RBM47: variants seen among roughly 807,000 people sequenced by gnomAD.
The protein encoded by RBM47 is RNA binding motif protein 47, also known as RNA-binding protein 47.
RBM47 carries 21 observed loss-of-function variants against 47.1 expected under a neutral mutation model. That is an observed-to-expected ratio of 0.45 (90% CI 0.32 to 0.64). The LOEUF (loss-of-function observed/expected upper bound fraction) is 0.64. RBM47 is among the 30% of genes least tolerant of loss of function. RBM47 has a pLI of 0.05. For synonymous variants in RBM47, 375 were observed against 361.7 expected, an observed-to-expected ratio of 1.04 and a Z score of -0.42; for missense variants, 708 against 870.9, an observed-to-expected ratio of 0.81 and a Z score of 2.35.
At chr4:40,427,335 G>T (rs1278394581) in intron 6 of RBM47, 1 of 152,222 alleles carries the variant, frequency 6.6e-6, no homozygotes, top group African/African-American at 2.4e-5. Context: ...AAATGAGGAA[G>T]AAGTGGGCAA....
chr4:40,606,678 T>G (rs1386196250), intron 1 of RBM47, among the ~76,000 whole-genome samples: 1 of 152,062 alleles, frequency 6.6e-6, no homozygotes, highest in Non-Finnish European at 1.5e-5. Context: ...GCTTTACCTC[T>G]TTGTGCCTCA....
intron 3 of RBM47, among the ~76,000 whole-genome samples, chr4:40,459,946 G>A (rs1254120439): frequency 1.3e-5 from 2 of 152,122 alleles, no homozygotes; most frequent in Non-Finnish European, 2.9e-5. Context: ...AGTAGAGACG[G>A]GGTTTCACCA....
intron 1 of RBM47, among the ~76,000 whole-genome samples, chr4:40,625,144 A>G (rs1737626267): frequency 6.6e-6 from 1 of 152,104 alleles, no homozygotes; most frequent in Non-Finnish European, 1.5e-5. Context: ...CACCGTGCCC[A>G]GCCTAAGCCA....
intron 2 of RBM47, among the ~76,000 whole-genome samples, chr4:40,471,648 C>T (rs940206144): frequency 6.7e-6 from 1 of 150,162 alleles, no homozygotes; most frequent in African/African-American, 2.5e-5. Flanking sequence ...AAGCCGAGAT[C>T]GTGCCAGGCA....
chr4:40,556,066 G>A (rs974474397), intron 1 of RBM47, among the ~76,000 whole-genome samples: 2 of 148,624 alleles, frequency 1.3e-5, no homozygotes, highest in African/African-American at 5.0e-5. Flanking sequence ...GACAGAGTCT[G>A]GCTCTGTCGC....
chr4:40,487,356 C>T (rs563517144), intron 2 of RBM47, among the ~76,000 whole-genome samples: 8 of 152,156 alleles, frequency 5.3e-5, no homozygotes, highest in Non-Finnish European at 8.8e-5. Flanking sequence ...AGTGCAGTGG[C>T]GCGATCTCGG....
intron 6 of RBM47, chr4:40,427,375 T>C (rs1392708735): frequency 6.6e-6 from 1 of 152,226 alleles, no homozygotes; most frequent in Non-Finnish European, 1.5e-5. Context: ...GCCTGAACTG[T>C]TGACGGCCAC....
At chr4:40,456,546 C>CTTTTTT (rs772807820) in intron 3 of RBM47, among the ~76,000 whole-genome samples, 1 of 118,752 alleles carries the variant, frequency 8.4e-6, no homozygotes, top group Non-Finnish European at 1.8e-5. Context: ...GTCCCATTTT[C>CTTTTTT]TTTTTTTTTT....
chr4:40,584,254 G>A (rs1032795075), intron 1 of RBM47, among the ~76,000 whole-genome samples: 1 of 152,116 alleles, frequency 6.6e-6, no homozygotes, highest in African/African-American at 2.4e-5. Flanking sequence ...ATGAGCCACC[G>A]TGCTGGGCTG....
chr4:40,567,004 C>T (rs1204178151), intron 1 of RBM47, among the ~76,000 whole-genome samples: 3 of 151,774 alleles, frequency 2.0e-5, no homozygotes, highest in Non-Finnish European at 4.4e-5. Context: ...TGTTCCTGTG[C>T]CCTGGGCTTG....
chr4:40,468,956 C>T lies in RBM47; in HGVS notation c.-154-2257G>A, dbSNP rs536070867. ...TGTCTTGAAATTAATTGTACACTGT[C>T]TGGACAATAGACTCCTGCATCTCTC... On this transcript the variant is annotated intron_variant, in intron 2 of 6. Transcript: ENST00000295971. Among the ~76,000 whole-genome samples, 3 of 152,344 alleles carry T rather than the reference C, an allele frequency of 2.0e-5. No homozygotes were observed. In the East Asian group the frequency reaches 5.8e-4, roughly 29 times the overall value.
intron 1 of RBM47, among the ~76,000 whole-genome samples, chr4:40,607,783 A>G (rs906454208): frequency 1.3e-5 from 2 of 152,154 alleles, no homozygotes; most frequent in Non-Finnish European, 2.9e-5. Flanking sequence ...GTGAATTACT[A>G]AAAGCCACTG....
Position 40,622,783 on chromosome 4 carries a change from G to A in RBM47, c.-240+6613C>T, listed in dbSNP as rs546027693. On this transcript the variant is annotated intron_variant, in intron 1 of 6. Coordinates refer to ENST00000295971, the MANE Select transcript of RBM47 (RefSeq NM_001098634.2). ...TGTAATCCTAGCTACTCAGGAGGCTGAGGCAGGAGAATCACTGGAGCCTGG... is the reference window on the plus strand; with the variant it reads ...TGTAATCCTAGCTACTCAGGAGGCTAAGGCAGGAGAATCACTGGAGCCTGG... Among the ~76,000 whole-genome samples the A allele has an allele frequency of 2.2e-3, 336 of 152,362 alleles. 1 individual carries two copies. The highest frequency in any genetic ancestry group is 7.6e-3 in the African/African-American group (317 of 41,592).
Position 40,437,965 on chromosome 4 carries a change from C to T in RBM47, c.929G>A (p.Cys310Tyr), listed in dbSNP as rs1157445835. ...GGGCTTGGCCAGCGTGACCTCCAGG[C>T]ACGAGCCCTCCAGCTCAGTGCCGTT... ...NLNGTELEGS[C>Y]LEVTLAKPVD... The change falls in exon 4 of 7, where the codon TGC (cysteine) becomes TAC (tyrosine). Residue 310 changes from cysteine (C) to tyrosine (Y), a missense_variant. Transcript: ENST00000295971. The T allele has an allele frequency of 1.2e-6, 2 of 1,613,380 alleles. No individual in the cohort carries two copies. Among genetic ancestry groups the T allele is most frequent in the Non-Finnish European group, 1.7e-6 (2 of 1,179,960 alleles).
intron 2 of RBM47, among the ~76,000 whole-genome samples, chr4:40,522,715 A>G (rs11930154): frequency 0.12 from 18,265 of 152,146 alleles, 1,268 homozygotes; most frequent in East Asian, 0.2. Flanking sequence ...AAATATGAGC[A>G]TACAGCTGAC....
At chr4:40,463,556 A>G (rs1400762608) in intron 3 of RBM47, among the ~76,000 whole-genome samples, 1 of 152,150 alleles carries the variant, frequency 6.6e-6, no homozygotes, top group African/African-American at 2.4e-5. Context: ...CATAAGTGGT[A>G]ATAATAAATA....
At position 40,442,444 on chromosome 4, in the gene RBM47, G is replaced by A. The variant is rs117105280; in HGVS notation, c.-31-3520C>T. On this transcript the variant is annotated intron_variant, in intron 3 of 6. Transcript: ENST00000295971. ...GGTAGGAATATAAAATGGTACAGCC[G>A]CTGTAAAAAACAGTATGGTGGTTCC... Among the ~76,000 whole-genome samples the A allele has an allele frequency of 2.1e-3, 314 of 152,244 alleles. 7 individuals carry two copies. In the East Asian group the frequency reaches 0.051, roughly 25 times the overall value.
At chr4:40,592,213 C>T (rs1356114122) in intron 1 of RBM47, among the ~76,000 whole-genome samples, 1 of 151,766 alleles carries the variant, frequency 6.6e-6, no homozygotes, top group African/African-American at 2.4e-5. Context: ...AACTTATTTT[C>T]CTCTTATTTA....
chr4:40,520,914 T>C (rs1362667752), intron 2 of RBM47, among the ~76,000 whole-genome samples: 1 of 152,190 alleles, frequency 6.6e-6, no homozygotes, highest in Non-Finnish European at 1.5e-5. Flanking sequence ...GTCCCTGGAA[T>C]GCTGAGAGGC....
Sources: gnomAD v4.1 joint callset for allele counts (sites outside exome capture counted in the v4.1 genomes callset) on GRCh38, gnomAD v4.1.1 for gene constraint, MANE v1.5 for transcripts, NCBI Gene and HGNC (gene_info 2026-07-23, HGNC 2026-07-21) for gene names.